The following WDR70 variants were observed in gnomAD, a reference collection of about 807,000 sequenced individuals.
The protein encoded by WDR70 is WD repeat-containing protein 70.
In WDR70, 53 loss-of-function variants were observed where a neutral mutation model predicts 88.6. The ratio of observed to expected loss-of-function variants is 0.60; its 90% CI spans 0.48 to 0.75. The LOEUF (loss-of-function observed/expected upper bound fraction) is 0.75. Among genes scored for constraint, WDR70 ranks in the 30% least tolerant of loss-of-function variants. The pLI, the probability that WDR70 is intolerant of heterozygous loss-of-function variation, is 0.00. For missense variants in WDR70, 610 were observed against 823.2 expected (o/e 0.74, Z 3.17); for synonymous variants, 280 against 270.0 (o/e 1.04, Z -0.36).
At chr5:37,729,166 A>G (rs934091446) in intron 17 of WDR70, among the ~76,000 whole-genome samples, 2 of 152,096 alleles carry the variant, frequency 1.3e-5, no homozygotes, top group African/African-American at 4.8e-5. Context: ...ACAAGATGTT[A>G]CAGACTCATC....
chr5:37,526,038 G>A (rs1216215718), intron 9 of WDR70, among the ~76,000 whole-genome samples: 8 of 152,148 alleles, frequency 5.3e-5, no homozygotes, highest in East Asian at 1.9e-4. Flanking sequence ...ATTTACAGCC[G>A]AATTCTACTA....
At chr5:37,718,112 A>T (rs1747703989) in intron 13 of WDR70, among the ~76,000 whole-genome samples, 1 of 152,098 alleles carries the variant, frequency 6.6e-6, no homozygotes, top group African/African-American at 2.4e-5. Context: ...GCATGAAAGG[A>T]GGGTAAATAT....
chr5:37,422,425 G>A (rs371773362), intron 5 of WDR70, among the ~76,000 whole-genome samples: 9 of 151,348 alleles, frequency 5.9e-5, no homozygotes, highest in African/African-American at 1.7e-4. Context: ...CAGAGTAGCT[G>A]GGACTATAGG....
At chr5:37,733,625 C>T (rs948359765) in intron 17 of WDR70, among the ~76,000 whole-genome samples, 12 of 151,904 alleles carry the variant, frequency 7.9e-5, no homozygotes, top group East Asian at 1.9e-4. Context: ...ATTGTTGTAG[C>T]GCTGCCTGTT....
intron 9 of WDR70, among the ~76,000 whole-genome samples, chr5:37,601,723 T>G (rs1331443766): frequency 7.2e-5 from 11 of 152,188 alleles, no homozygotes. Flanking sequence ...GGTCAGATTT[T>G]CTACTTCCAC....
At chr5:37,449,603 AT>A (rs59531712) in intron 7 of WDR70, among the ~76,000 whole-genome samples, 27,466 of 69,016 alleles carry the variant, frequency 0.4, 3,198 homozygotes, top group Admixed American at 0.46. Flanking sequence ...AAAAAAAAAA[AT>A]AAAAAATAAA....
At chr5:37,452,646 C>T (rs2112082929) in intron 7 of WDR70, among the ~76,000 whole-genome samples, 1 of 152,324 alleles carries the variant, frequency 6.6e-6, no homozygotes, top group Non-Finnish European at 1.5e-5. Flanking sequence ...CAGCTAAATT[C>T]CCCCACATCT....
At chr5:37,459,505 G>C (rs1738933424) in intron 7 of WDR70, among the ~76,000 whole-genome samples, 1 of 106,916 alleles carries the variant, frequency 9.4e-6, no homozygotes, top group Non-Finnish European at 2.0e-5. Flanking sequence ...GCTGAAACTG[G>C]ATCCCTTCCT....
intron 14 of WDR70, chr5:37,721,469 G>T: frequency 2.0e-6 from 1 of 511,096 alleles, no homozygotes; most frequent in Non-Finnish European, 3.5e-6. Flanking sequence ...AATGTTGAGT[G>T]CAAGGGGGAA....
chr5:37,526,346 C>T (rs1228519386), intron 9 of WDR70, among the ~76,000 whole-genome samples: 5 of 152,108 alleles, frequency 3.3e-5, no homozygotes, highest in African/African-American at 9.7e-5. Context: ...CATCAATAAA[C>T]GTAATCCATC....
intron 3 of WDR70, among the ~76,000 whole-genome samples, chr5:37,385,505 C>T (rs868800523): frequency 3.9e-5 from 4 of 103,198 alleles, no homozygotes; most frequent in African/African-American, 8.1e-5. Flanking sequence ...AGTAAAAAAG[C>T]GAGAGCCTGT....
At chr5:37,416,102 A>G (rs1256497421) in intron 5 of WDR70, among the ~76,000 whole-genome samples, 2 of 152,010 alleles carry the variant, frequency 1.3e-5, no homozygotes, top group Non-Finnish European at 2.9e-5. Flanking sequence ...CACTTCCCAG[A>G]CGGGGTGGCG....
intron 9 of WDR70, among the ~76,000 whole-genome samples, chr5:37,562,372 AG>A (rs1742533632): frequency 6.6e-6 from 1 of 152,056 alleles, no homozygotes; most frequent in African/African-American, 2.4e-5. Context: ...GAAAAAAAAA[AG>A]TAAAATGACA....
chr5:37,515,763 T>C lies in WDR70; in HGVS notation c.841-751T>C, dbSNP rs181584941. Among the ~76,000 whole-genome samples the C allele has an allele frequency of 8.2e-4, 125 of 152,362 alleles. 1 individual carries two copies. Among genetic ancestry groups the C allele is most frequent in the South Asian group, 3.9e-3 (19 of 4,834 alleles). ...GTTATTATACTAAAAAAGACCAGGC[T>C]CTTTTCTATCCCACGTAAATCTGAC... On this transcript the variant is annotated intron_variant, in intron 8 of 17. Coordinates refer to ENST00000265107, the MANE Select transcript of WDR70 (RefSeq NM_018034.4).
intron 9 of WDR70, among the ~76,000 whole-genome samples, chr5:37,590,460 C>T (rs1442301144): frequency 1.3e-5 from 2 of 152,052 alleles, no homozygotes; most frequent in Non-Finnish European, 2.9e-5. Context: ...TCAATGGTGG[C>T]CCCCCAAAAA....
chr5:37,606,567 AT>A (rs892526725), intron 10 of WDR70, among the ~76,000 whole-genome samples: 1 of 152,074 alleles, frequency 6.6e-6, no homozygotes, highest in African/African-American at 2.4e-5. Flanking sequence ...GTTTTTAAAG[AT>A]TTGTCTTGTG....
intron 10 of WDR70, among the ~76,000 whole-genome samples, chr5:37,663,280 A>G (rs1745749289): frequency 6.6e-6 from 1 of 152,272 alleles, no homozygotes; most frequent in Non-Finnish European, 1.5e-5. Context: ...AATTTAAACC[A>G]GTTAACTCCA....
intron 9 of WDR70, among the ~76,000 whole-genome samples, chr5:37,517,126 T>C (rs1176936754): frequency 6.6e-6 from 1 of 152,208 alleles, no homozygotes; most frequent in Non-Finnish European, 1.5e-5. Flanking sequence ...CTGTAGAGTT[T>C]ATTAAGGTTG....
intron 17 of WDR70, among the ~76,000 whole-genome samples, chr5:37,749,557 T>A (rs1454079784): frequency 6.7e-6 from 1 of 148,992 alleles, no homozygotes; most frequent in African/African-American, 2.6e-5. Flanking sequence ...TGTTTTTTTT[T>A]AAGAAGAAAA....
Sources: allele counts gnomAD v4.1 joint callset (sites outside exome capture counted in the v4.1 genomes callset), GRCh38; gene constraint gnomAD v4.1.1; transcripts MANE v1.5; gene names NCBI Gene and HGNC (gene_info 2026-07-23, HGNC 2026-07-21).